The following ULK4 variants were observed in gnomAD, a reference collection of about 807,000 sequenced individuals.
ULK4 encodes unc-51 like kinase 4.
Under a neutral mutation model 160.6 loss-of-function variants are expected in ULK4, and 133 were observed. That is an observed-to-expected ratio of 0.83 (90% CI 0.72 to 0.96). The LOEUF (loss-of-function observed/expected upper bound fraction) is 0.96. ULK4 is among the 40% of genes least tolerant of loss of function. ULK4 has a pLI of 0.00. For missense variants in ULK4, 1,580 were observed against 1,499.5 expected, an observed-to-expected ratio of 1.05 and a Z score of -0.89; for synonymous variants, 534 against 539.8, an observed-to-expected ratio of 0.99 and a Z score of 0.15.
intron 34 of ULK4, among the ~76,000 whole-genome samples, chr3:41,420,116 G>GA (rs1342301510): frequency 1.0e-4 from 15 of 148,612 alleles, no homozygotes; most frequent in East Asian, 5.9e-4. Flanking sequence ...TAAATGTAAG[G>GA]AAAAAAAAAG....
At chr3:41,566,748 TA>T (rs2087795541) in intron 31 of ULK4, among the ~76,000 whole-genome samples, 1 of 152,242 alleles carries the variant, frequency 6.6e-6, no homozygotes, top group Non-Finnish European at 1.5e-5. Flanking sequence ...TTGTAATTTT[TA>T]AAGGGTCTTA....
At chr3:41,606,166 C>G (rs1361301962) in intron 31 of ULK4, among the ~76,000 whole-genome samples, 1 of 151,712 alleles carries the variant, frequency 6.6e-6, no homozygotes, top group African/African-American at 2.4e-5. Flanking sequence ...AGCCAATCAA[C>G]TAAGCTTCTA....
intron 35 of ULK4, among the ~76,000 whole-genome samples, chr3:41,310,822 G>C (rs1283896683): frequency 2.6e-5 from 4 of 151,926 alleles, no homozygotes; most frequent in African/African-American, 9.7e-5. Flanking sequence ...GCAAAACTCT[G>C]TCTCTAGAAA....
At position 41,311,130 on chromosome 3, in the gene ULK4, C is replaced by T. The variant is rs540121377; in HGVS notation, c.3679-61556G>A. Among the ~76,000 whole-genome samples, 5 of 152,240 alleles carry T rather than the reference C, an allele frequency of 3.3e-5. No homozygotes were observed. In the East Asian group the frequency reaches 5.8e-4, roughly 18 times the overall value. Reference sequence around the variant, plus strand: ...CATAGTACTCAGGTATTTTGCCAAACGTTATTCTAGATGTTCAACAAAATA... The same window carrying T: ...CATAGTACTCAGGTATTTTGCCAAATGTTATTCTAGATGTTCAACAAAATA... On this transcript the variant is annotated intron_variant, in intron 35 of 36. Transcript: ENST00000301831.
intron 32 of ULK4, among the ~76,000 whole-genome samples, chr3:41,492,773 C>T (rs555009353): frequency 7.3e-5 from 11 of 149,910 alleles, no homozygotes; most frequent in Admixed American, 4.7e-4. Flanking sequence ...GCAGGGGTTG[C>T]AATCCTAGTC....
chr3:41,941,297 CA>C (rs1699945073), intron 2 of ULK4, among the ~76,000 whole-genome samples: 1 of 132,596 alleles, frequency 7.5e-6, no homozygotes. Flanking sequence ...CTCAGCCTCC[CA>C]AAGTGCTGGG....
intron 18 of ULK4, among the ~76,000 whole-genome samples, chr3:41,824,233 C>T (rs894581098): frequency 1.3e-5 from 2 of 151,460 alleles, no homozygotes; most frequent in South Asian, 4.2e-4. Flanking sequence ...CAGCTCCCAG[C>T]ATGAGCGATG....
At chr3:41,618,146 G>C (rs2033068511) in intron 30 of ULK4, among the ~76,000 whole-genome samples, 2 of 152,180 alleles carry the variant, frequency 1.3e-5, no homozygotes, top group Non-Finnish European at 2.9e-5. Context: ...ACCTATGATT[G>C]ACTGGTATAC....
At chr3:41,772,554 G>A (rs567466453) in intron 21 of ULK4, among the ~76,000 whole-genome samples, 2 of 152,076 alleles carry the variant, frequency 1.3e-5, no homozygotes, top group Non-Finnish European at 2.9e-5. Flanking sequence ...CCAATAACAG[G>A]ATCTGAAATT....
At chr3:41,302,717 T>G (rs2079824466) in intron 35 of ULK4, among the ~76,000 whole-genome samples, 1 of 152,136 alleles carries the variant, frequency 6.6e-6, no homozygotes, top group African/African-American at 2.4e-5. Context: ...ACAGACAAAT[T>G]TAAAATAGAG....
chr3:41,255,434 G>C (rs978974149), intron 35 of ULK4, among the ~76,000 whole-genome samples: 2 of 152,202 alleles, frequency 1.3e-5, no homozygotes, highest in African/African-American at 4.8e-5. Context: ...AGTGAGCTGA[G>C]ATCGTGCCAT....
At chr3:41,587,052 C>T (rs2030873858) in intron 31 of ULK4, among the ~76,000 whole-genome samples, 1 of 152,152 alleles carries the variant, frequency 6.6e-6, no homozygotes, top group Non-Finnish European at 1.5e-5. Context: ...GTCAGCTAGG[C>T]AGCACTCTTA....
chr3:41,886,128 G>A (rs1241281039), intron 16 of ULK4, among the ~76,000 whole-genome samples: 1 of 152,142 alleles, frequency 6.6e-6, no homozygotes, highest in Non-Finnish European at 1.5e-5. Context: ...AGAATCAAAG[G>A]AGATAATCCA....
At chr3:41,811,666 G>C (rs1369114553) in intron 19 of ULK4, among the ~76,000 whole-genome samples, 1 of 152,166 alleles carries the variant, frequency 6.6e-6, no homozygotes, top group East Asian at 1.9e-4. Flanking sequence ...AATAAATGTT[G>C]CACGAATGAA....
At chr3:41,700,507 T>C (rs1354932336) in intron 27 of ULK4, among the ~76,000 whole-genome samples, 1 of 152,162 alleles carries the variant, frequency 6.6e-6, no homozygotes, top group African/African-American at 2.4e-5. Flanking sequence ...AGACCTACAT[T>C]ATCAGGGATT....
chr3:41,771,286 G>A (rs1205755001), intron 21 of ULK4, among the ~76,000 whole-genome samples: 3 of 152,162 alleles, frequency 2.0e-5, no homozygotes, highest in South Asian at 2.1e-4. Context: ...ATGAGAGATG[G>A]AGTTCCTAAA....
At chr3:41,906,859 G>A (rs923372691) in intron 12 of ULK4, among the ~76,000 whole-genome samples, 3 of 152,142 alleles carry the variant, frequency 2.0e-5, no homozygotes, top group African/African-American at 7.2e-5. Flanking sequence ...TGGACATGGT[G>A]ACGCACGACT....
At chr3:41,856,537 G>GTATATATATATGTGTATATATACACA (rs2042347733) in intron 17 of ULK4, among the ~76,000 whole-genome samples, 1 of 87,830 alleles carries the variant, frequency 1.1e-5, no homozygotes, top group Non-Finnish European at 2.5e-5. Flanking sequence ...ATATATGTAT[G>GTATATATATATGTGTATATATACACA]TATATATATA....
At position 41,566,064 on chromosome 3, in the gene ULK4, CA is replaced by C. The variant is rs1439397399; in HGVS notation, c.3186del (p.Ala1063ProfsTer57). The C allele has an allele frequency of 3.7e-6, 6 of 1,613,730 alleles. No homozygotes were observed. In the South Asian group the frequency reaches 6.6e-5, roughly 18 times the overall value. ...QSVIALLSNL[V>X]ACKDSNMELL... is the part of the protein sequence containing the mutation. ...AGTTCCATATTCGAATCTTTGCAGG[CA>C]ACTAGATTGCTGAGTAATGCAATCA... On this transcript the variant is annotated frameshift_variant, in exon 32 of 37. Coordinates refer to ENST00000301831, the MANE Select transcript of ULK4 (RefSeq NM_017886.4). LOFTEE classifies it high-confidence loss of function.
Sources: gnomAD v4.1 joint callset for allele counts (sites outside exome capture counted in the v4.1 genomes callset) on GRCh38, gnomAD v4.1.1 for gene constraint, MANE v1.5 for transcripts, NCBI Gene and HGNC (gene_info 2026-07-23, HGNC 2026-07-21) for gene names.